The following VWDE variants were observed in gnomAD, a reference collection of about 807,000 sequenced individuals.
The protein encoded by VWDE is von Willebrand factor D and EGF domain-containing protein.
Under a neutral mutation model 178.4 loss-of-function variants are expected in VWDE, and 207 were observed. That is an observed-to-expected ratio of 1.16 (90% CI 1.04 to 1.30). VWDE has a LOEUF of 1.30. Ranked by LOEUF, VWDE falls within the 50% of genes most tolerant of loss-of-function variation. VWDE has a pLI of 0.00. For missense variants in VWDE, 2,287 were observed against 1,901.3 expected (o/e 1.20, Z -3.77); for synonymous variants, 738 against 651.4 (o/e 1.13, Z -2.02).
intron 17 of VWDE, among the ~76,000 whole-genome samples, chr7:12,356,652 C>T (rs1377203932): frequency 6.6e-6 from 1 of 152,108 alleles, no homozygotes; most frequent in Non-Finnish European, 1.5e-5. Flanking sequence ...CAGTTAATCA[C>T]CTGGGTTATT....
In VWDE at chr7:12,333,351, G is replaced by A. The variant is rs1020772153; in HGVS notation, c.4758+114C>T. 35 of 686,434 alleles carry A rather than the reference G, an allele frequency of 5.1e-5. No homozygotes were observed. The African/African-American group carries it at 5.7e-4, about 11-fold the overall frequency. 42.5% of individuals were successfully genotyped at this position (686,434 alleles called of 1,614,324 possible). Reference sequence around the variant, plus strand: ...TTTTTAATTTTAGAGGCAAATAAATGCTTTTTTTATTTTGGAAATAATAAA... The same window carrying A: ...TTTTTAATTTTAGAGGCAAATAAATACTTTTTTTATTTTGGAAATAATAAA... On this transcript the variant is annotated intron_variant, in intron 28 of 28. Coordinates refer to ENST00000275358, the MANE Select transcript of VWDE (RefSeq NM_001135924.3).
chr7:12,372,004 T>C (rs1438649005), intron 10 of VWDE, among the ~76,000 whole-genome samples: 1 of 152,046 alleles, frequency 6.6e-6, no homozygotes, highest in African/African-American at 2.4e-5. Flanking sequence ...ATATATGATA[T>C]ATATGTTCCC....
At chr7:12,397,780 A>C (rs529192892) in intron 1 of VWDE, among the ~76,000 whole-genome samples, 64 of 152,338 alleles carry the variant, frequency 4.2e-4, no homozygotes, top group Non-Finnish European at 7.9e-4. Context: ...TCAAAAGATG[A>C]CATACAAATG....
In VWDE at chr7:12,377,911, C is replaced by A; in HGVS notation, c.889G>T (p.Glu297Ter). ...CCATCCTCTGATATAGTGCTCAATT[C>A]AGGCTGTAGCTGGTATAAGAAAATA... ...EFFAGFKLQP[E>*]LSTISEDGKE... The change falls in exon 7 of 29, where the codon GAA becomes TAA. Residue 297 changes from glutamate (E) to a stop codon, truncating the protein, a stop_gained. Coordinates refer to ENST00000275358, the MANE Select transcript of VWDE (RefSeq NM_001135924.3). LOFTEE classifies it high-confidence loss of function. The A allele has an allele frequency of 7.0e-7, 1 of 1,432,106 alleles. No homozygotes were observed. Among genetic ancestry groups the A allele is most frequent in the South Asian group, 1.7e-5 (1 of 59,670 alleles). 88.7% of individuals were successfully genotyped at this position (1,432,106 alleles called of 1,614,324 possible).
Position 12,375,146 on chromosome 7 carries a change from G to A in VWDE, c.1106C>T (p.Thr369Ile). 1.3e-6 allele frequency: 2 copies of A among 1,551,252 alleles called. No individual in the cohort carries two copies. Among genetic ancestry groups the A allele is most frequent in the Non-Finnish European group, 1.7e-6 (2 of 1,146,662 alleles). ...LLQTSSCANGTCSHTFVYYTA... is the reference protein window; with the variant it reads ...LLQTSSCANGICSHTFVYYTA... ...GTAGTACACAAAAGTGTGGCTACAGGTTCCATTAGCACAGGAAGATGTCTG... is the reference window on the plus strand; with the variant it reads ...GTAGTACACAAAAGTGTGGCTACAGATTCCATTAGCACAGGAAGATGTCTG... The change falls in exon 8 of 29, where the codon ACC becomes ATC. Residue 369 changes from threonine (T) to isoleucine (I), a missense_variant. By Grantham distance (89) the Thr-to-Ile change is moderately conservative. Coordinates refer to ENST00000275358, the MANE Select transcript of VWDE (RefSeq NM_001135924.3).
At chr7:12,361,721 G>T (rs1475506281) in intron 13 of VWDE, among the ~76,000 whole-genome samples, 200 bp from the exon 14 acceptor site, 1 of 152,006 alleles carries the variant, frequency 6.6e-6, no homozygotes, top group Non-Finnish European at 1.5e-5. Flanking sequence ...GATGCAAATT[G>T]CTCCCAATGA....
rs1194912136 is a variant in VWDE, at chr7:12,359,646, T to C, written c.3206A>G (p.Lys1069Arg). The change falls in exon 16 of 29, where the codon AAA (lysine) becomes AGA (arginine). Residue 1069 changes from lysine to arginine, a missense_variant. Coordinates refer to ENST00000275358, the MANE Select transcript of VWDE (RefSeq NM_001135924.3). ...AATCAAACAAGGGCTGGTTGGATTT[T>C]TGTCTCCTTCAACATAGCAGAGTCC... is the stretch of plus-strand genomic sequence containing the variant. ...IDGLCYVEGDKNPTSPCLICR... is the reference protein window; with the variant it reads ...IDGLCYVEGDRNPTSPCLICR... 6.4e-7 allele frequency: 1 copy of C among 1,550,602 alleles called. No homozygotes were observed. Among genetic ancestry groups the C allele is most frequent in the Admixed American group, 2.0e-5 (1 of 50,948 alleles).
intron 4 of VWDE, among the ~76,000 whole-genome samples, chr7:12,381,829 A>G (rs1236860166): frequency 6.6e-6 from 1 of 151,928 alleles, no homozygotes; most frequent in Non-Finnish European, 1.5e-5. Flanking sequence ...AAAGCTATCT[A>G]TGGAAATGAT....
At chr7:12,383,510 T>C (rs1012595857) in intron 4 of VWDE, 26 bp downstream of exon 4, 1 of 1,542,574 alleles carries the variant, frequency 6.5e-7, no homozygotes, top group Admixed American at 2.0e-5. Flanking sequence ...AAAAACACTA[T>C]TAAAAAAGCA....
intron 3 of VWDE, among the ~76,000 whole-genome samples, chr7:12,385,970 A>G (rs976131452): frequency 6.6e-6 from 1 of 152,198 alleles, no homozygotes; most frequent in Non-Finnish European, 1.5e-5. Flanking sequence ...ATGTCATAAA[A>G]TGCAAATTTT....
At chr7:12,396,263 TGACCAAGAC>T (rs1784618529) in intron 1 of VWDE, among the ~76,000 whole-genome samples, 2 of 152,172 alleles carry the variant, frequency 1.3e-5, no homozygotes, top group African/African-American at 2.4e-5. Context: ...TTTAATGTAA[TGACCAAGAC>T]TAGAATTCTC....
chr7:12,353,776 G>C (rs183638229), intron 18 of VWDE: 1 of 152,362 alleles, frequency 6.6e-6, no homozygotes, highest in East Asian at 1.9e-4. Flanking sequence ...AATTTTAAGA[G>C]AGTCTCCATG....
chr7:12,369,282 AG>A (rs1783022140), intron 12 of VWDE, among the ~76,000 whole-genome samples: 1 of 152,148 alleles, frequency 6.6e-6, no homozygotes, highest in African/African-American at 2.4e-5. Context: ...ACAGGGTGAC[AG>A]TAGCAGGGAA....
At chr7:12,386,518 T>C (rs1469011475) in intron 3 of VWDE, among the ~76,000 whole-genome samples, 3 of 152,182 alleles carry the variant, frequency 2.0e-5, no homozygotes, top group Non-Finnish European at 4.4e-5. Context: ...TCTTGTTATG[T>C]TCTCCCTCAC....
chr7:12,389,810 G>A (rs1001408959), intron 2 of VWDE, among the ~76,000 whole-genome samples: 1 of 152,146 alleles, frequency 6.6e-6, no homozygotes, highest in African/African-American at 2.4e-5. Context: ...AATAAAATCG[G>A]GGAGAAGGAA....
intron 27 of VWDE, 140 bp downstream of exon 27, chr7:12,336,001 A>T: frequency 1.5e-5 from 10 of 672,392 alleles, no homozygotes; most frequent in South Asian, 2.1e-5. Flanking sequence ...TTTTTGTTTT[A>T]TATCTAAAAT....
rs955487553 is a variant in VWDE at position 12,336,200 on chromosome 7, C to T, written c.4595G>A (p.Cys1532Tyr). Reference sequence around the variant, plus strand: ...ACAATGGCATATGCTGGGCGCAATGCATTCACCACCGTTTTTACATTTCTG... The same window carrying T: ...ACAATGGCATATGCTGGGCGCAATGTATTCACCACCGTTTTTACATTTCTG... The part of the protein sequence containing the change: ...CLQKCKNGGE[C>Y]IAPSICHCPS... Residue 1532 changes from cysteine (C) to tyrosine (Y), a missense_variant, in exon 27 of 29, where the codon TGC (cysteine) becomes TAC (tyrosine). Transcript: ENST00000275358. 1.3e-6 allele frequency: 2 copies of T among 1,551,286 alleles called. No homozygotes were observed. The highest frequency in any genetic ancestry group is 1.4e-5 in the African/African-American group (1 of 73,034).
At chr7:12,351,538 C>G (rs768317814) in intron 19 of VWDE, 35 bp downstream of exon 19, 22 of 1,515,600 alleles carry the variant, frequency 1.5e-5, no homozygotes, top group Non-Finnish European at 1.7e-5. Context: ...AGAGGAATTA[C>G]TTGTCATTAG....
intron 1 of VWDE, among the ~76,000 whole-genome samples, chr7:12,394,519 G>A (rs1318902978): frequency 6.6e-6 from 1 of 152,044 alleles, no homozygotes; most frequent in Non-Finnish European, 1.5e-5. Context: ...ATCCACAGAG[G>A]CCGAACAAAA....
Sources: allele counts gnomAD v4.1 joint callset (sites outside exome capture counted in the v4.1 genomes callset), GRCh38; gene constraint gnomAD v4.1.1; transcripts MANE v1.5; gene names NCBI Gene and HGNC (gene_info 2026-07-23, HGNC 2026-07-21).